The following DLG2 variants were observed in gnomAD, a reference collection of about 807,000 sequenced individuals.
The protein encoded by DLG2 is disks large homolog 2.
Under a neutral mutation model 132.5 loss-of-function variants are expected in DLG2, and 45 were observed. The observed-to-expected ratio is 0.34, with a 90% CI of 0.27 to 0.44. The LOEUF (loss-of-function observed/expected upper bound fraction) is 0.44. DLG2 is among the 20% of genes least tolerant of loss of function. DLG2 has a pLI of 1.00. For synonymous variants in DLG2, 424 were observed against 419.6 expected, an observed-to-expected ratio of 1.01 and a Z score of -0.13; for missense variants, 1,045 against 1,196.9, an observed-to-expected ratio of 0.87 and a Z score of 1.87.
chr11:84,472,490 T>C (rs2099110984), intron 7 of DLG2, among the ~76,000 whole-genome samples: 1 of 152,002 alleles, frequency 6.6e-6, no homozygotes. Context: ...TTTATAAGAC[T>C]ATAAACCCAG....
intron 4 of DLG2, among the ~76,000 whole-genome samples, chr11:85,242,339 A>G (rs2075925755): frequency 1.3e-5 from 2 of 151,550 alleles, no homozygotes; most frequent in South Asian, 2.1e-4. Flanking sequence ...TGTTTTCTAT[A>G]TGTTTAATGT....
At chr11:84,663,246 TATA>T (rs771066126) in intron 6 of DLG2, among the ~76,000 whole-genome samples, 4,300 of 89,188 alleles carry the variant, frequency 0.048, 195 homozygotes, top group African/African-American at 0.15. Context: ...TATATATATA[TATA>T]TTTTTTTTTC....
At chr11:85,042,985 A>AT (rs1316788772) in intron 6 of DLG2, among the ~76,000 whole-genome samples, 1 of 151,984 alleles carries the variant, frequency 6.6e-6, no homozygotes, top group Non-Finnish European at 1.5e-5. Context: ...CTATAGAATA[A>AT]TTTGAACCAT....
chr11:84,010,361 T>G (rs776410679), intron 11 of DLG2, among the ~76,000 whole-genome samples: 1 of 151,920 alleles, frequency 6.6e-6, no homozygotes, highest in East Asian at 1.9e-4. Context: ...GGCACAATCA[T>G]AGCTCCCTGT....
intron 3 of DLG2, among the ~76,000 whole-genome samples, chr11:85,520,165 C>T (rs921521518): frequency 5.3e-5 from 8 of 152,036 alleles, no homozygotes; most frequent in Non-Finnish European, 1.0e-4. Context: ...CAGGCATGAG[C>T]CACTCCACCC....
At chr11:83,896,323 C>T (rs2071666622) in intron 15 of DLG2, among the ~76,000 whole-genome samples, 1 of 152,180 alleles carries the variant, frequency 6.6e-6, no homozygotes, top group African/African-American at 2.4e-5. Flanking sequence ...AAGCAATTAG[C>T]CATGGCAGGA....
chr11:85,454,411 T>C (rs994753963), intron 3 of DLG2, among the ~76,000 whole-genome samples: 4 of 152,114 alleles, frequency 2.6e-5, no homozygotes, highest in African/African-American at 9.7e-5. Context: ...GATCATGTTC[T>C]GTATCGATTT....
intron 4 of DLG2, among the ~76,000 whole-genome samples, chr11:85,187,494 C>G (rs1467619266): frequency 6.6e-6 from 1 of 151,284 alleles, no homozygotes; most frequent in African/African-American, 2.4e-5. Context: ...AAAAATATAT[C>G]GAATTAGAAA....
intron 6 of DLG2, among the ~76,000 whole-genome samples, chr11:84,943,090 T>G (rs2049681194): frequency 6.6e-6 from 1 of 152,116 alleles, no homozygotes. Context: ...TCCATCTTTT[T>G]CTTTCAATCC....
intron 19 of DLG2, among the ~76,000 whole-genome samples, chr11:83,587,640 T>C (rs17145656): frequency 0.017 from 2,567 of 152,192 alleles, 72 homozygotes; most frequent in African/African-American, 0.058. Context: ...ATAGAATTTA[T>C]ATAGAGAGGA....
At chr11:85,056,133 G>T (rs1027015984) in intron 6 of DLG2, among the ~76,000 whole-genome samples, 3 of 152,026 alleles carry the variant, frequency 2.0e-5, no homozygotes, top group Non-Finnish European at 4.4e-5. Flanking sequence ...GAACAGAGTT[G>T]CCATTGATAC....
At chr11:85,023,390 T>C (rs568315488) in intron 6 of DLG2, among the ~76,000 whole-genome samples, 1 of 152,028 alleles carries the variant, frequency 6.6e-6, no homozygotes, top group Admixed American at 6.6e-5. Context: ...ATAACAGTTA[T>C]TACCAACTTA....
chr11:85,614,524 C>T (rs989281536), intron 2 of DLG2, among the ~76,000 whole-genome samples: 2 of 152,090 alleles, frequency 1.3e-5, no homozygotes, highest in African/African-American at 4.8e-5. Flanking sequence ...CCTGTAATCC[C>T]AGCTACTCAG....
intron 5 of DLG2, among the ~76,000 whole-genome samples, chr11:85,126,341 T>C (rs2075108707): frequency 6.6e-6 from 1 of 152,228 alleles, no homozygotes; most frequent in Non-Finnish European, 1.5e-5. Context: ...ACTACTCATC[T>C]TTCAATAGGT....
At chr11:85,364,095 TTTCTGCAGTAATAAGCACC>T (rs1374389222) in intron 3 of DLG2, among the ~76,000 whole-genome samples, 5 of 152,200 alleles carry the variant, frequency 3.3e-5, no homozygotes, top group African/African-American at 7.2e-5. Context: ...GGTTCTTTCA[TTTCTGCAGTAATAAGCACC>T]TTGGCTGAGG....
rs200107090 is a variant in DLG2 at position 84,714,548 on chromosome 11, T to TC, written c.358-179818_358-179817insG. ...TTTCCTCTTTCTCTTTCTCTTTCTC[T>TC]TTCTCTCTCTTTCTCTTTCTCTTTC... is the stretch of plus-strand genomic sequence containing the variant. On this transcript the variant is annotated intron_variant, in intron 6 of 27. Transcript: ENST00000376104. 4.1e-3 allele frequency among the ~76,000 whole-genome samples: 291 copies of TC among 71,726 alleles called. 3 individuals carry two copies. Among genetic ancestry groups the TC allele is most frequent in the African/African-American group, 0.016 (119 of 7,526 alleles). 47.1% of individuals were successfully genotyped at this position (71,726 alleles called of 152,430 possible).
At chr11:84,995,790 G>A (rs1313613452) in intron 6 of DLG2, among the ~76,000 whole-genome samples, 1 of 152,042 alleles carries the variant, frequency 6.6e-6, no homozygotes, top group Non-Finnish European at 1.5e-5. Flanking sequence ...CCTAGGACAG[G>A]TGGGTCTCTC....
At chr11:84,237,021 C>A (rs773692011) in intron 8 of DLG2, among the ~76,000 whole-genome samples, 3 of 151,750 alleles carry the variant, frequency 2.0e-5, no homozygotes, top group Admixed American at 1.3e-4. Context: ...CTCCGCCTCC[C>A]GGGTTCCAGC....
At chr11:84,756,520 C>T (rs771449964) in intron 6 of DLG2, among the ~76,000 whole-genome samples, 4 of 152,068 alleles carry the variant, frequency 2.6e-5, no homozygotes, top group Non-Finnish European at 5.9e-5. Context: ...TAGGTGTGTT[C>T]AATTGGGTAA....
Sources: gnomAD v4.1 joint callset for allele counts (sites outside exome capture counted in the v4.1 genomes callset) on GRCh38, gnomAD v4.1.1 for gene constraint, MANE v1.5 for transcripts, NCBI Gene and HGNC (gene_info 2026-07-23, HGNC 2026-07-21) for gene names.